Variants in PIEZO1 observed in about 807,000 individuals in gnomAD.
PIEZO1 encodes the protein piezo type mechanosensitive ion channel component 1 (Er blood group), also known as piezo-type mechanosensitive ion channel component 1.
In PIEZO1, 296 loss-of-function variants were observed where a neutral mutation model predicts 297.2. That is an observed-to-expected ratio of 1.00 (90% CI 0.91 to 1.10). The LOEUF (loss-of-function observed/expected upper bound fraction) is 1.10. PIEZO1 is among the 50% of genes least tolerant of loss of function. The probability of loss-of-function intolerance (pLI) is 0.00; values close to 1 mark genes in which losing one functional copy is unlikely to be tolerated. For synonymous variants in PIEZO1, 2,427 were observed against 1,507.5 expected, an observed-to-expected ratio of 1.61 and a Z score of -14.13; for missense variants, 5,018 against 3,455.5, an observed-to-expected ratio of 1.45 and a Z score of -11.34.
intron 12 of PIEZO1, 71 bp downstream of exon 12, chr16:88,736,076 AC>A: frequency 5.0e-6 from 7 of 1,412,546 alleles, no homozygotes; most frequent in Non-Finnish European, 5.7e-6. Flanking sequence ...GGGCAAGTGG[AC>A]ATTGAACAGG....
chr16:88,721,409 C>T lies in PIEZO1; in HGVS notation c.5425G>A (p.Glu1809Lys). The T allele has an allele frequency of 6.5e-7, 1 of 1,549,682 alleles. No homozygotes were observed. The highest frequency in any genetic ancestry group is 8.7e-7 in the Non-Finnish European group (1 of 1,146,608). ...TGCTCCTTGGATGGTGAGTCCTCCT[C>T]ATGGTCCCAGAGGCCATAGCACTGA... ...QLLCYGLWDH[E>K]EDSPSKEHDK... The change falls in exon 39 of 51, where the codon GAG becomes AAG. Residue 1809 changes from glutamate to lysine, a missense_variant. Transcript: ENST00000301015.
Position 88,766,307 on chromosome 16 carries a change from C to T in PIEZO1, c.65-16828G>A, listed in dbSNP as rs77131058. Among the ~76,000 whole-genome samples, 530 of 152,324 alleles carry T rather than the reference C, an allele frequency of 3.5e-3. 6 individuals are homozygous for T. The highest frequency in any genetic ancestry group is 0.027 in the East Asian group (140 of 5,192). ...TTCCCAGGACCGCCACAGAGAAGCCCGGCCTGAGCGCACAGCCTGGACTCG... is the reference window on the plus strand; with the variant it reads ...TTCCCAGGACCGCCACAGAGAAGCCTGGCCTGAGCGCACAGCCTGGACTCG... On this transcript the variant is annotated intron_variant, in intron 1 of 50. Coordinates refer to ENST00000301015, the MANE Select transcript of PIEZO1 (RefSeq NM_001142864.4).
chr16:88,733,780 C>G (rs778867324), intron 17 of PIEZO1, 35 bp from the exon 18 acceptor site: 2 of 1,489,030 alleles, frequency 1.3e-6, no homozygotes, highest in Non-Finnish European at 9.0e-7. Flanking sequence ...GGGGCACAAA[C>G]GGGGATTCCC....
chr16:88,745,271 GGAGT>G (rs1396001393), intron 2 of PIEZO1: 1 of 152,148 alleles, frequency 6.6e-6, no homozygotes, highest in Non-Finnish European at 1.5e-5. Context: ...CCTGGGAAAG[GGAGT>G]GAGAGGAGGC....
intron 34 of PIEZO1, 53 bp downstream of exon 34, chr16:88,722,784 C>T: frequency 6.5e-7 from 1 of 1,532,078 alleles, no homozygotes; most frequent in Non-Finnish European, 8.8e-7. Context: ...GTTAAGCAGG[C>T]AGGGGCGTAG....
chr16:88,781,867 C>T (rs1430510230), intron 1 of PIEZO1, among the ~76,000 whole-genome samples: 1 of 152,264 alleles, frequency 6.6e-6, no homozygotes, highest in Non-Finnish European at 1.5e-5. Flanking sequence ...AATGGTGACA[C>T]TTCTCAGTGA....
intron 45 of PIEZO1, 27 bp downstream of exon 45, chr16:88,716,996 T>C (rs1177019397): frequency 1.3e-6 from 2 of 1,549,272 alleles, no homozygotes; most frequent in Non-Finnish European, 1.7e-6. Context: ...GGGATGGGAA[T>C]GGACAGGCGG....
At position 88,736,332 on chromosome 16, in the gene PIEZO1, C is replaced by A; in HGVS notation, c.1373G>T (p.Ser458Ile). Residue 458 changes from serine to isoleucine, a missense_variant, in exon 12 of 51, where the codon AGC (serine) becomes ATC (isoleucine). Ser to Ile is a moderately radical substitution (Grantham distance 142, BLOSUM62 -2). Transcript: ENST00000301015. Reference protein sequence around the residue: ...LWACLIWTVRSRHQLAMLCSP... With the variant: ...LWACLIWTVRIRHQLAMLCSP... ...GCACAGCATGGCCAGTTGGTGGCGG[C>A]TGCGCACCGTCCAGATGAGGCAGGC... The A allele has an allele frequency of 6.5e-7, 1 of 1,550,166 alleles. No homozygotes were observed. Among genetic ancestry groups the A allele is most frequent in the East Asian group, 2.4e-5 (1 of 40,916 alleles).
At chr16:88,749,580 C>A (rs988550735) in intron 1 of PIEZO1, 101 bp from the exon 2 acceptor site, 4 of 896,858 alleles carry the variant, frequency 4.5e-6, no homozygotes, top group Middle Eastern at 3.3e-4. Flanking sequence ...CCGCCGAGGC[C>A]GTGTGCCCTG....
At position 88,736,692 on chromosome 16, in the gene PIEZO1, G is replaced by C; in HGVS notation, c.1243C>G (p.Leu415Val). The change falls in exon 11 of 51, where the codon CTG becomes GTG. Residue 415 changes from leucine to valine, a missense_variant. Coordinates refer to ENST00000301015, the MANE Select transcript of PIEZO1 (RefSeq NM_001142864.4). ...CTCTGGTCCATGATGAGGTGGCCCA[G>C]GCTGTGGAGCGGAGACGCCTCCCTG... ...EPREASPLHS[L>V]GHLIMDQSYV... The C allele has an allele frequency of 2.0e-6, 3 of 1,532,916 alleles. No individual in the cohort carries two copies. The highest frequency in any genetic ancestry group is 8.7e-7 in the Non-Finnish European group (1 of 1,145,736). 95.0% of individuals were successfully genotyped at this position (1,532,916 alleles called of 1,614,324 possible). A position where few individuals can be genotyped will look rare whatever the true frequency, so the allele number is the denominator to read the frequency against.
intron 1 of PIEZO1, among the ~76,000 whole-genome samples, chr16:88,759,280 C>A (rs1408685358): frequency 6.6e-6 from 1 of 152,202 alleles, no homozygotes; most frequent in Non-Finnish European, 1.5e-5. Context: ...AGGCACCTTG[C>A]TAGGTCTTGA....
intron 32 of PIEZO1, 35 bp from the exon 33 acceptor site, chr16:88,723,186 C>T (rs1316115992): frequency 1.9e-6 from 3 of 1,549,288 alleles, no homozygotes; most frequent in East Asian, 4.9e-5. Flanking sequence ...ACTGGCAGTC[C>T]CGCGGCTTCC....
At chr16:88,736,861 T>C in intron 10 of PIEZO1, 122 bp from the exon 11 acceptor site, 1 of 605,354 alleles carries the variant, frequency 1.7e-6, no homozygotes, top group Non-Finnish European at 2.8e-6. Context: ...CCCGGTGGGC[T>C]ATGGGCAGAA....
rs546208424 is a variant in PIEZO1, at chr16:88,731,680, T to A, written c.3196+26A>T. Reference sequence around the variant, plus strand: ...GCATCCACAAAGCCACAAAGCCCACTCCCACCCAAGCCACGTGCCCCTCAC... The same window carrying A: ...GCATCCACAAAGCCACAAAGCCCACACCCACCCAAGCCACGTGCCCCTCAC... On this transcript the variant is annotated intron_variant, in intron 22 of 50. Coordinates refer to ENST00000301015, the MANE Select transcript of PIEZO1 (RefSeq NM_001142864.4). 5.2e-4 allele frequency: 805 copies of A among 1,539,800 alleles called. 1 individual carries two copies. The highest frequency in any genetic ancestry group is 6.1e-4 in the Non-Finnish European group (696 of 1,139,070).
intron 2 of PIEZO1, 118 bp from the exon 3 acceptor site, chr16:88,742,540 C>T: frequency 9.3e-7 from 1 of 1,070,406 alleles, no homozygotes; most frequent in Non-Finnish European, 1.3e-6. Context: ...GAGATGCAAA[C>T]CCGCCATGGA....
chr16:88,734,687 C>T lies in PIEZO1; in HGVS notation c.1960G>A (p.Ala654Thr), dbSNP rs1428058788. Residue 654 changes from alanine to threonine, a missense_variant, in exon 15 of 51, where the codon GCC becomes ACC. Physicochemically the swap from Ala to Thr is moderately conservative, Grantham distance 58 (BLOSUM62 0). Coordinates refer to ENST00000301015, the MANE Select transcript of PIEZO1 (RefSeq NM_001142864.4). ...AAGCCAGTGAGGTTGCGCCAGTAGG[C>T]AGGGAAGTCCTGGAACTGGAAGGTG... ...VYTFQFQDFP[A>T]YWRNLTGFTD... 4 of 1,550,348 alleles carry T rather than the reference C, an allele frequency of 2.6e-6. No homozygotes were observed. The highest frequency in any genetic ancestry group is 1.2e-5 in the South Asian group (1 of 84,066).
intron 22 of PIEZO1, 106 bp downstream of exon 22, chr16:88,731,600 G>A (rs1387848550): frequency 4.9e-6 from 4 of 822,704 alleles, no homozygotes; most frequent in Non-Finnish European, 7.8e-6. Flanking sequence ...GGAGGCCAAG[G>A]CTAAGTCTAG....
rs190920545 is a variant in PIEZO1 at position 88,759,979 on chromosome 16, C to T, written c.65-10500G>A. Among the ~76,000 whole-genome samples the T allele has an allele frequency of 9.2e-5, 14 of 152,272 alleles. No homozygotes were observed. In the East Asian group the frequency reaches 2.7e-3, roughly 29 times the overall value. ...GCCACCCTGGCATCCGGGCCTGCTC[C>T]GCACAGGCTCCCAAAACCCCAGCTG... On this transcript the variant is annotated intron_variant, in intron 1 of 50. Transcript: ENST00000301015.
intron 10 of PIEZO1, 135 bp downstream of exon 10, chr16:88,737,424 T>C: frequency 1.6e-6 from 1 of 625,874 alleles, no homozygotes. Flanking sequence ...CCCGTGGATG[T>C]CCTGGGCCCC....
Sources: allele counts gnomAD v4.1 joint callset (sites outside exome capture counted in the v4.1 genomes callset), GRCh38; gene constraint gnomAD v4.1.1; transcripts MANE v1.5; gene names NCBI Gene and HGNC (gene_info 2026-07-23, HGNC 2026-07-21).